The following ZNF597 variants were observed in gnomAD, a reference collection of about 807,000 sequenced individuals.
ZNF597 encodes the protein zinc finger protein 597.
ZNF597 carries 5 observed loss-of-function variants against 7.3 expected under a neutral mutation model. That is an observed-to-expected ratio of 0.68 (90% CI 0.36 to 1.44). The LOEUF is 1.44. Among genes scored for constraint, ZNF597 ranks in the 40% most tolerant of loss-of-function variants. The probability of loss-of-function intolerance (pLI) is 0.04; values close to 1 mark genes in which losing one functional copy is unlikely to be tolerated. For synonymous variants in ZNF597, 209 were observed against 185.4 expected, an observed-to-expected ratio of 1.13 and a Z score of -1.04; for missense variants, 585 against 517.9, an observed-to-expected ratio of 1.13 and a Z score of -1.26.
At chr16:3,442,331 A>G (rs1596269459) in intron 2 of ZNF597, among the ~76,000 whole-genome samples, 1 of 152,226 alleles carries the variant, frequency 6.6e-6, no homozygotes, top group East Asian at 1.9e-4. Context: ...AGGTGGGAGG[A>G]TAGCTGAAGG....
intron 2 of ZNF597, among the ~76,000 whole-genome samples, chr16:3,442,623 C>T (rs113734504): frequency 6.6e-6 from 1 of 151,180 alleles, no homozygotes; most frequent in Non-Finnish European, 1.5e-5. Flanking sequence ...TGCAGTGAGC[C>T]GAGATCGCGC....
At chr16:3,439,989 A>T (rs2150933802) in intron 3 of ZNF597, among the ~76,000 whole-genome samples, 1 of 152,352 alleles carries the variant, frequency 6.6e-6, no homozygotes, top group Middle Eastern at 3.4e-3. Flanking sequence ...AGTTATTCAG[A>T]ATAACTAGTT....
intron 2 of ZNF597, 62 bp downstream of exon 2, chr16:3,443,059 A>C: frequency 3.1e-6 from 5 of 1,599,580 alleles, no homozygotes; most frequent in Non-Finnish European, 3.4e-6. Context: ...CCTCCAAAGG[A>C]GGGGGTCAGG....
chr16:3,440,869 G>T lies in ZNF597; in HGVS notation c.98C>A (p.Pro33His), dbSNP rs746673058. ...FSQEECVTLH[P>H]AQRSLSKDGT... ...ATCTTTGCTGAGGGACCTCTGGGCA[G>T]GGTGCAGAGTCACGCACTCCTCTTG... The change falls in exon 3 of 4, where the codon CCT (proline) becomes CAT (histidine). Residue 33 changes from proline to histidine, a missense_variant. By Grantham distance (77) the Pro-to-His change is moderately conservative. Transcript: ENST00000301744. 1.2e-6 allele frequency: 2 copies of T among 1,614,060 alleles called. No homozygotes were observed. Among genetic ancestry groups the T allele is most frequent in the Non-Finnish European group, 1.7e-6 (2 of 1,179,962 alleles).
chr16:3,432,481 G>A lies in ZNF597; in HGVS notation c.*3943C>T, dbSNP rs187768926. The A allele has an allele frequency of 2.0e-5, 3 of 152,232 alleles. No individual in the cohort carries two copies. In the East Asian group the frequency reaches 5.8e-4, roughly 29 times the overall value. 9.4% of individuals were successfully genotyped at this position (152,232 alleles called of 1,614,324 possible). A position where few individuals can be genotyped will look rare whatever the true frequency, so the allele number is the denominator to read the frequency against. On this transcript the variant is annotated 3_prime_UTR_variant, in exon 4 of 4. Transcript: ENST00000301744. ...ACATTAGACGTAATCAATAACTTCA[G>A]AGCTTGCAAACTAGAGTGAAGACTG... is the stretch of plus-strand genomic sequence containing the variant.
rs2034277331 is a variant in ZNF597, at chr16:3,433,986, A to G, written c.*2438T>C. On this transcript the variant is annotated 3_prime_UTR_variant, in exon 4 of 4. Coordinates refer to ENST00000301744, the MANE Select transcript of ZNF597 (RefSeq NM_152457.3). Reference sequence around the variant, plus strand: ...AATCTGGAGAAAACTGCAAAAAAAAAAATTAGAGGTTAATTGTGAAGGAAG... The same window carrying G: ...AATCTGGAGAAAACTGCAAAAAAAAGAATTAGAGGTTAATTGTGAAGGAAG... 6.6e-6 allele frequency: 1 copy of G among 152,342 alleles called. No individual in the cohort carries two copies. Among genetic ancestry groups the G allele is most frequent in the African/African-American group, 2.4e-5 (1 of 41,584 alleles). 9.4% of individuals were successfully genotyped at this position (152,342 alleles called of 1,614,324 possible). A position where few individuals can be genotyped will look rare whatever the true frequency, so the allele number is the denominator to read the frequency against.
Position 3,440,924 on chromosome 16 carries a change from G to C in ZNF597, c.43C>G (p.Leu15Val), listed in dbSNP as rs756185895. 1.2e-6 allele frequency: 2 copies of C among 1,613,470 alleles called. No homozygotes were observed. The highest frequency in any genetic ancestry group is 2.2e-5 in the South Asian group (2 of 91,046). ...AAATACACAGCCAGATCCTCAAAGAGTATTGGTCCCTGAAACACAAGAGCC... is the reference window on the plus strand; with the variant it reads ...AAATACACAGCCAGATCCTCAAAGACTATTGGTCCCTGAAACACAAGAGCC... ...PPTPEAQGPI[L>V]FEDLAVYFSQ... The change falls in exon 3 of 4, where the codon CTC becomes GTC. Residue 15 changes from leucine (L) to valine (V), a missense_variant. By Grantham distance (32) the Leu-to-Val change is conservative. Coordinates refer to ENST00000301744, the MANE Select transcript of ZNF597 (RefSeq NM_152457.3).
intron 2 of ZNF597, among the ~76,000 whole-genome samples, chr16:3,441,411 G>A (rs907474272): frequency 6.6e-6 from 1 of 152,280 alleles, no homozygotes; most frequent in South Asian, 2.1e-4. Flanking sequence ...TTAAGGCTGG[G>A]CACAGTGGCT....
intron 3 of ZNF597, among the ~76,000 whole-genome samples, chr16:3,437,844 T>C (rs2034321682): frequency 6.6e-6 from 1 of 152,178 alleles, no homozygotes; most frequent in African/African-American, 2.4e-5. Context: ...TCTAATCTAT[T>C]TAGGCCTCAA....
intron 3 of ZNF597, among the ~76,000 whole-genome samples, chr16:3,440,402 G>A (rs750453784): frequency 3.9e-5 from 6 of 152,188 alleles, no homozygotes; most frequent in Non-Finnish European, 5.9e-5. Flanking sequence ...TTGGGAGGCC[G>A]AGGCGGGTGA....
intron 1 of ZNF597, 38 bp from the exon 2 acceptor site, chr16:3,443,244 C>G: frequency 7.4e-7 from 1 of 1,356,174 alleles, no homozygotes; most frequent in Non-Finnish European, 1.0e-6. Context: ...GGGACCAATT[C>G]CGCTGCCAAG....
intron 2 of ZNF597, 101 bp downstream of exon 2, chr16:3,443,020 C>A: frequency 6.9e-7 from 1 of 1,446,520 alleles, no homozygotes; most frequent in Admixed American, 1.7e-5. Context: ...CTCAGGAGCA[C>A]TCCTACCACA....
At position 3,440,861 on chromosome 16, in the gene ZNF597, T is replaced by C. The variant is rs1310449246; in HGVS notation, c.106A>G (p.Arg36Gly). 1 of 1,614,054 alleles carries C rather than the reference T, an allele frequency of 6.2e-7. No homozygotes were observed. Among genetic ancestry groups the C allele is most frequent in the Admixed American group, 1.7e-5 (1 of 60,018 alleles). ...TTTGTACCATCTTTGCTGAGGGACC[T>C]CTGGGCAGGGTGCAGAGTCACGCAC... ...EECVTLHPAQRSLSKDGTKES... is the reference protein window; with the variant it reads ...EECVTLHPAQGSLSKDGTKES... The change falls in exon 3 of 4, where the codon AGG (arginine) becomes GGG (glycine). Residue 36 changes from arginine to glycine, a missense_variant. Transcript: ENST00000301744.
Position 3,439,598 on chromosome 16 carries a change from G to A in ZNF597, c.160+1209C>T, listed in dbSNP as rs77022659. On this transcript the variant is annotated intron_variant, in intron 3 of 3. Transcript: ENST00000301744. ...TAACTCAAATAAGTCCTAGCAGAAA[G>A]GTTGATCTGAACCTATCCTAACAAA... 3.0e-3 allele frequency among the ~76,000 whole-genome samples: 452 copies of A among 152,056 alleles called. 4 individuals carry two copies. The highest frequency in any genetic ancestry group is 0.01 in the African/African-American group (428 of 41,464).
At position 3,442,245 on chromosome 16, in the gene ZNF597, T is replaced by C. The variant is rs377368538; in HGVS notation, c.33+876A>G. ...TGCTTAATTTAAAAATTCATTCAAA[T>C]TGGAGAAGTACCAAATCTGTAATTT... On this transcript the variant is annotated intron_variant, in intron 2 of 3. Transcript: ENST00000301744. Among the ~76,000 whole-genome samples the C allele has an allele frequency of 4.4e-4, 67 of 152,274 alleles. No individual in the cohort carries two copies. The East Asian group carries it at 0.011, about 26-fold the overall frequency.
At position 3,436,605 on chromosome 16, in the gene ZNF597, T is replaced by G; in HGVS notation, c.1094A>C (p.Glu365Ala). Reference sequence around the variant, plus strand: ...TGTTTTGCACTTATGGGGCCTTTCCTCTGTATGAATGTTCTGATGGGAAAT... The same window carrying G: ...TGTTTTGCACTTATGGGGCCTTTCCGCTGTATGAATGTTCTGATGGGAAAT... ...ELISHQNIHT[E>A]ERPHKCKTCE... The change falls in exon 4 of 4, where the codon GAG (glutamate) becomes GCG (alanine). Residue 365 changes from glutamate to alanine, a missense_variant. Transcript: ENST00000301744. The G allele has an allele frequency of 6.2e-7, 1 of 1,605,942 alleles. No homozygotes were observed. Among genetic ancestry groups the G allele is most frequent in the Non-Finnish European group, 8.5e-7 (1 of 1,175,558 alleles).
At chr16:3,440,003 C>T (rs1169649828) in intron 3 of ZNF597, among the ~76,000 whole-genome samples, 1 of 152,136 alleles carries the variant, frequency 6.6e-6, no homozygotes, top group African/African-American at 2.4e-5. Flanking sequence ...ACTAGTTACT[C>T]TAGTTATTTT....
Position 3,443,164 on chromosome 16 carries a change from G to T in ZNF597, c.-11C>A. On this transcript the variant is annotated 5_prime_UTR_variant, in exon 2 of 4. Transcript: ENST00000301744. ...GGGCATGGACGCCATTTGGCGGGTG[G>T]GGAATGCCTTCTTCAAGACGCCACA... is the stretch of plus-strand genomic sequence containing the variant. The T allele has an allele frequency of 6.2e-7, 1 of 1,612,322 alleles. No homozygotes were observed. The highest frequency in any genetic ancestry group is 8.5e-7 in the Non-Finnish European group (1 of 1,179,120).
At position 3,440,788 on chromosome 16, in the gene ZNF597, G is replaced by A. The variant is rs879318630; in HGVS notation, c.160+19C>T. 16 of 1,612,224 alleles carry A rather than the reference G, an allele frequency of 9.9e-6. No homozygotes were observed. In the Admixed American group the frequency reaches 1.8e-4, roughly 19 times the overall value. On this transcript the variant is annotated intron_variant, in intron 3 of 3. Transcript: ENST00000301744. ...AGAATTGACAAAAGTTCCAGATGCA[G>A]GAAAAACAATTGCCTTACCCATCAA...
Sources: allele counts gnomAD v4.1 joint callset (sites outside exome capture counted in the v4.1 genomes callset), GRCh38; gene constraint gnomAD v4.1.1; transcripts MANE v1.5; gene names NCBI Gene and HGNC (gene_info 2026-07-23, HGNC 2026-07-21).